VPS41: variants seen among roughly 807,000 people sequenced by gnomAD.
VPS41 encodes vacuolar protein sorting-associated protein 41 homolog.
VPS41 carries 85 observed loss-of-function variants against 130.9 expected under a neutral mutation model. The ratio of observed to expected loss-of-function variants is 0.65; its 90% CI spans 0.55 to 0.78. The LOEUF is 0.78. Ranked by LOEUF, VPS41 falls within the 30% of genes least tolerant of loss-of-function variation. The pLI, the probability that VPS41 is intolerant of heterozygous loss-of-function variation, is 0.00. For missense variants in VPS41, 874 were observed against 1,018.7 expected (o/e 0.86, Z 1.93); for synonymous variants, 335 against 332.9 (o/e 1.01, Z -0.07).
chr7:38,817,575 G>A (rs920950664), intron 7 of VPS41, among the ~76,000 whole-genome samples: 8 of 152,240 alleles, frequency 5.3e-5, no homozygotes, highest in East Asian at 3.9e-4. Context: ...CCAAGATCAC[G>A]CCACTGCACT....
intron 22 of VPS41, among the ~76,000 whole-genome samples, chr7:38,746,542 A>G (rs1795988449): frequency 6.6e-6 from 1 of 152,066 alleles, no homozygotes; most frequent in Non-Finnish European, 1.5e-5. Flanking sequence ...CCACGATTAG[A>G]GTAACATGAA....
Position 38,774,150 on chromosome 7 carries a change from C to G in VPS41, c.977G>C (p.Gly326Ala), listed in dbSNP as rs1411163029. ...ATCTCTACATTCATTCTCCTGAAAG[C>G]CTCTGACTGTCAAAGCATCAGAAGA... is the stretch of plus-strand genomic sequence containing the variant. ...EISSDALTVR[G>A]FQENECRDYH... The change falls in exon 12 of 29, where the codon GGC becomes GCC. Residue 326 changes from glycine (G) to alanine (A), a missense_variant. Gly to Ala is a moderately conservative substitution (Grantham distance 60). Transcript: ENST00000310301. The G allele has an allele frequency of 5.6e-6, 9 of 1,608,594 alleles. No homozygotes were observed. Among genetic ancestry groups the G allele is most frequent in the Non-Finnish European group, 7.7e-6 (9 of 1,176,062 alleles).
intron 3 of VPS41, among the ~76,000 whole-genome samples, chr7:38,864,209 A>T (rs1001265997): frequency 1.3e-5 from 2 of 152,204 alleles, no homozygotes; most frequent in Non-Finnish European, 2.9e-5. Flanking sequence ...AAACGCTTTA[A>T]TGCTGCCATT....
chr7:38,789,838 A>G lies in VPS41; in HGVS notation c.747T>C (p.Ser249=), dbSNP rs1375072729. The part of the protein sequence containing the change: ...KVCSVKERHA[S]EMRDLPSRYV... ...ATCGACTTGGCAAATCCCTCATTTCACTGGCATGCCGTTCCTTCACTGAGC... is the reference window on the plus strand; with the variant it reads ...ATCGACTTGGCAAATCCCTCATTTCGCTGGCATGCCGTTCCTTCACTGAGC... Residue 249 remains serine (S), a synonymous_variant, in exon 10 of 29, where the codon AGT becomes AGC. Transcript: ENST00000310301. 6.2e-7 allele frequency: 1 copy of G among 1,613,754 alleles called. No homozygotes were observed.
chr7:38,821,728 G>GAAAAAGA (rs1785176954), intron 5 of VPS41, among the ~76,000 whole-genome samples: 3 of 144,338 alleles, frequency 2.1e-5, no homozygotes, highest in East Asian at 2.1e-4. Context: ...AAAAGAAAAA[G>GAAAAAGA]AAAAAGAAAA....
At chr7:38,748,221 G>A (rs953816054) in intron 22 of VPS41, among the ~76,000 whole-genome samples, 3 of 151,980 alleles carry the variant, frequency 2.0e-5, no homozygotes, top group African/African-American at 4.8e-5. Context: ...ATGCGCGCGC[G>A]TGCGCGCACA....
chr7:38,804,018 C>G (rs73113699), intron 7 of VPS41, among the ~76,000 whole-genome samples: 9,585 of 152,266 alleles, frequency 0.063, 312 homozygotes, highest in Middle Eastern at 0.082. Flanking sequence ...ATGCTTCAAT[C>G]TCCTTTATCT....
chr7:38,901,358 T>A (rs1353486881), intron 1 of VPS41, among the ~76,000 whole-genome samples: 1 of 152,156 alleles, frequency 6.6e-6, no homozygotes, highest in East Asian at 1.9e-4. Flanking sequence ...AAGAGCGTTA[T>A]TTGGCTCACG....
At chr7:38,819,266 G>A (rs1247139302) in intron 6 of VPS41, among the ~76,000 whole-genome samples, 1 of 152,186 alleles carries the variant, frequency 6.6e-6, no homozygotes, top group Non-Finnish European at 1.5e-5. Context: ...CACAGGCAGA[G>A]GGTCTAGGAC....
chr7:38,857,165 A>G (rs1252141285), intron 4 of VPS41, among the ~76,000 whole-genome samples: 1 of 152,254 alleles, frequency 6.6e-6, no homozygotes, highest in African/African-American at 2.4e-5. Flanking sequence ...AAATACCAAT[A>G]GATTCTGCTA....
At chr7:38,765,539 T>A in intron 16 of VPS41, 41 bp downstream of exon 16, 2 of 1,291,586 alleles carry the variant, frequency 1.5e-6, no homozygotes, top group South Asian at 2.6e-5. Flanking sequence ...ATTAATATAC[T>A]ACTTGCAGAA....
rs116544043 is a variant in VPS41, at chr7:38,848,254, G to A, written c.246+14291C>T. Among the ~76,000 whole-genome samples the A allele has an allele frequency of 4.6e-3, 704 of 152,260 alleles. 7 individuals are homozygous for A. The highest frequency in any genetic ancestry group is 0.016 in the African/African-American group (673 of 41,540). ...CGACTTCACACACCTAATTACTCAA[G>A]CTTAATAATGTTCTTAAAATACTAT... On this transcript the variant is annotated intron_variant, in intron 4 of 28. Coordinates refer to ENST00000310301, the MANE Select transcript of VPS41 (RefSeq NM_014396.4).
chr7:38,816,906 G>A (rs1223347622), intron 7 of VPS41, among the ~76,000 whole-genome samples: 3 of 152,034 alleles, frequency 2.0e-5, no homozygotes, highest in Admixed American at 1.3e-4. Context: ...ACCACACGCA[G>A]CTAATTTCTT....
At chr7:38,799,171 C>T (rs1184708174) in intron 7 of VPS41, among the ~76,000 whole-genome samples, 2 of 152,118 alleles carry the variant, frequency 1.3e-5, no homozygotes, top group African/African-American at 4.8e-5. Context: ...TAAAAGAATA[C>T]AAATTATCCA....
intron 5 of VPS41, among the ~76,000 whole-genome samples, chr7:38,829,172 G>A (rs900165343): frequency 3.3e-5 from 5 of 152,128 alleles, no homozygotes; most frequent in Non-Finnish European, 7.4e-5. Flanking sequence ...ATTTCTGAAA[G>A]TACTGTAAAA....
At chr7:38,899,775 C>A (rs1160529289) in intron 1 of VPS41, among the ~76,000 whole-genome samples, 1 of 152,060 alleles carries the variant, frequency 6.6e-6, no homozygotes, top group Non-Finnish European at 1.5e-5. Context: ...GATAACTATG[C>A]CAATAAACCA....
Position 38,724,460 on chromosome 7 carries a change from CAA to C in VPS41, c.*1784_*1785del, listed in dbSNP as rs1795496872. On this transcript the variant is annotated 3_prime_UTR_variant, in exon 29 of 29. Coordinates refer to ENST00000310301, the MANE Select transcript of VPS41 (RefSeq NM_014396.4). ...GGCTGAGGGGTACATTCAATAATAA[CAA>C]AGAGCCTTCCAGTTCTAAGTATTTG... 1 of 152,182 alleles carries C rather than the reference CAA, an allele frequency of 6.6e-6. No individual in the cohort carries two copies. Among genetic ancestry groups the C allele is most frequent in the Non-Finnish European group, 1.5e-5 (1 of 68,040 alleles). 9.4% of individuals were successfully genotyped at this position (152,182 alleles called of 1,614,324 possible).
intron 4 of VPS41, among the ~76,000 whole-genome samples, chr7:38,861,290 G>C (rs1469735975): frequency 6.6e-6 from 1 of 152,124 alleles, no homozygotes; most frequent in Non-Finnish European, 1.5e-5. Context: ...GGAAATGTAA[G>C]AAACCACACA....
chr7:38,745,824 T>C (rs1172194296), intron 22 of VPS41: 3 of 504,480 alleles, frequency 5.9e-6, no homozygotes, highest in Admixed American at 3.9e-5. Context: ...ATTTAAAACA[T>C]ATTTGAAGCT....
Sources: gnomAD v4.1 joint callset for allele counts (sites outside exome capture counted in the v4.1 genomes callset) on GRCh38, gnomAD v4.1.1 for gene constraint, MANE v1.5 for transcripts, NCBI Gene and HGNC (gene_info 2026-07-23, HGNC 2026-07-21) for gene names.